The following CDH22 variants were observed in gnomAD, a reference collection of about 807,000 sequenced individuals.
CDH22 encodes the protein cadherin-22.
Under a neutral mutation model 58.4 loss-of-function variants are expected in CDH22, and 30 were observed. The ratio of observed to expected loss-of-function variants is 0.51; its 90% CI spans 0.38 to 0.70. The LOEUF (loss-of-function observed/expected upper bound fraction) is 0.70. CDH22 is among the 30% of genes least tolerant of loss of function. CDH22 has a pLI of 0.00. For synonymous variants in CDH22, 513 were observed against 558.2 expected, an observed-to-expected ratio of 0.92 and a Z score of 1.14; for missense variants, 1,014 against 1,233.9, an observed-to-expected ratio of 0.82 and a Z score of 2.67.
intron 11 of CDH22, among the ~76,000 whole-genome samples, chr20:46,177,256 C>T (rs1232880407): frequency 1.3e-5 from 2 of 152,204 alleles, no homozygotes; most frequent in Non-Finnish European, 2.9e-5. Flanking sequence ...CCTCAGTGCC[C>T]TTCTTTACTT....
intron 10 of CDH22, among the ~76,000 whole-genome samples, chr20:46,182,930 G>C (rs1022078728): frequency 6.6e-6 from 1 of 152,180 alleles, no homozygotes; most frequent in African/African-American, 2.4e-5. Flanking sequence ...GGCCTTCCAC[G>C]GCTGCTGTGA....
intron 1 of CDH22, among the ~76,000 whole-genome samples, chr20:46,267,455 C>G (rs2086466474): frequency 6.6e-6 from 1 of 152,226 alleles, no homozygotes; most frequent in Non-Finnish European, 1.5e-5. Flanking sequence ...GGGCTTTAGT[C>G]TCTCCAGTTA....
In CDH22 at chr20:46,174,048, G is replaced by C. The variant is rs1417665964; in HGVS notation, c.*458C>G. 1 of 168,388 alleles carries C rather than the reference G, an allele frequency of 5.9e-6. No individual in the cohort carries two copies. Among genetic ancestry groups the C allele is most frequent in the Non-Finnish European group, 1.3e-5 (1 of 79,566 alleles). 10.4% of individuals were successfully genotyped at this position (168,388 alleles called of 1,614,324 possible). ...CCACCTCATGGTTTCTCTGACGACT[G>C]AGCTGGTCTCTGTACAGCGTCCCAG... On this transcript the variant is annotated 3_prime_UTR_variant, in exon 12 of 12. Transcript: ENST00000537909. This position sits in a 1 kb window ranked among gnomAD's most constrained non-coding sequence, Gnocchi z 4.4.
At chr20:46,307,697 G>A (rs943847338) in intron 1 of CDH22, among the ~76,000 whole-genome samples, 1 of 151,992 alleles carries the variant, frequency 6.6e-6, no homozygotes, top group Non-Finnish European at 1.5e-5. Flanking sequence ...TCAGCCTCCG[G>A]GTGTCCCCGG....
At position 46,174,120 on chromosome 20, in the gene CDH22, T is replaced by G. The variant is rs530686454; in HGVS notation, c.*386A>C. The G allele has an allele frequency of 2.7e-5, 7 of 263,946 alleles. No individual in the cohort carries two copies. The East Asian group carries it at 6.6e-4, about 25-fold the overall frequency. The allele number at this position is 263,946 out of a possible 1,614,324, so 16.4% of individuals were successfully genotyped here. On this transcript the variant is annotated 3_prime_UTR_variant, in exon 12 of 12. Coordinates refer to ENST00000537909, the MANE Select transcript of CDH22 (RefSeq NM_021248.3). This position sits in a 1 kb window ranked among gnomAD's most constrained non-coding sequence, Gnocchi z 4.4. ...GTGAACAGCCTTCTTTCCTCTTAACTCTGATGGGGGAAACCTGGGGTGGGG... is the reference window on the plus strand; with the variant it reads ...GTGAACAGCCTTCTTTCCTCTTAACGCTGATGGGGGAAACCTGGGGTGGGG...
rs1252144226 is a variant in CDH22, at chr20:46,227,458, C to T, written c.670+50G>A. On this transcript the variant is annotated intron_variant, in intron 4 of 11. Transcript: ENST00000537909. ...CTGGGGTGGTCCTCGTCCCGCCCCGCCCCTGGCCCCGCCCCACGGCTCCGC... is the reference window on the plus strand; with the variant it reads ...CTGGGGTGGTCCTCGTCCCGCCCCGTCCCTGGCCCCGCCCCACGGCTCCGC... The T allele has an allele frequency of 2.4e-6, 3 of 1,275,964 alleles. No individual in the cohort carries two copies. The African/African-American group carries it at 4.4e-5, about 19-fold the overall frequency. 79.0% of individuals were successfully genotyped at this position (1,275,964 alleles called of 1,614,324 possible).
In CDH22 at chr20:46,216,819, C is replaced by T; in HGVS notation, c.838+7G>A. ...GACGCGCCTTCCTCTGGGAAGGCCT[C>T]ACTCACTCTGCGGGAAACGGGGCGG... is the stretch of plus-strand genomic sequence containing the variant. On this transcript the variant is annotated splice_region_variant and intron_variant, in intron 5 of 11. Coordinates refer to ENST00000537909, the MANE Select transcript of CDH22 (RefSeq NM_021248.3). This position sits in a 1 kb window ranked among gnomAD's most constrained non-coding sequence, Gnocchi z 5.3. 6.3e-7 allele frequency: 1 copy of T among 1,591,210 alleles called. No individual in the cohort carries two copies. The highest frequency in any genetic ancestry group is 8.6e-7 in the Non-Finnish European group (1 of 1,161,060).
rs533538575 is a variant in CDH22, at chr20:46,247,074, T to C, written c.255+3966A>G. On this transcript the variant is annotated intron_variant, in intron 2 of 11. Transcript: ENST00000537909. ...CCCCCCACTTAGTGGTAAGAAACTA[T>C]ACTGTTAGGTTGCCAAAAAGACTTT... Among the ~76,000 whole-genome samples, 11 of 152,180 alleles carry C rather than the reference T, an allele frequency of 7.2e-5. No homozygotes were observed. In the East Asian group the frequency reaches 1.9e-3, roughly 27 times the overall value.
At chr20:46,218,473 C>T (rs192976533) in intron 4 of CDH22, among the ~76,000 whole-genome samples, 7 of 152,338 alleles carry the variant, frequency 4.6e-5, no homozygotes, top group Non-Finnish European at 7.3e-5. Context: ...CATGTACACT[C>T]ACTATGCTGT....
rs191626645 is a variant in CDH22 at position 46,280,564 on chromosome 20, C to T, written c.-400+27691G>A. The stretch of plus-strand genomic sequence containing the variant: ...AGAAGTACCACAGTCCCATCTGAAC[C>T]GGCCCTAAAGACCTCAGCCTATGGT... On this transcript the variant is annotated intron_variant, in intron 1 of 11. Coordinates refer to ENST00000537909, the MANE Select transcript of CDH22 (RefSeq NM_021248.3). Among the ~76,000 whole-genome samples, 54 of 152,310 alleles carry T rather than the reference C, an allele frequency of 3.5e-4. 1 individual carries two copies. Among genetic ancestry groups the T allele is most frequent in the Non-Finnish European group, 2.4e-4 (16 of 68,032 alleles).
At chr20:46,231,995 C>T (rs1039385123) in intron 3 of CDH22, among the ~76,000 whole-genome samples, 7 of 152,126 alleles carry the variant, frequency 4.6e-5, no homozygotes, top group Admixed American at 3.3e-4. Flanking sequence ...CCCTTCTCTC[C>T]GTATCATCAG....
At chr20:46,265,372 A>G (rs1256264132) in intron 1 of CDH22, among the ~76,000 whole-genome samples, 1 of 152,136 alleles carries the variant, frequency 6.6e-6, no homozygotes, top group Non-Finnish European at 1.5e-5. Context: ...CAGCCTTGAT[A>G]ATGAAAGCTG....
At chr20:46,295,309 G>A (rs2086624344) in intron 1 of CDH22, among the ~76,000 whole-genome samples, 1 of 152,202 alleles carries the variant, frequency 6.6e-6, no homozygotes, top group East Asian at 1.9e-4. Context: ...CAGGAAGCTG[G>A]CTGGACTCTA....
chr20:46,264,126 C>A (rs927025028), intron 1 of CDH22, among the ~76,000 whole-genome samples: 3 of 152,156 alleles, frequency 2.0e-5, no homozygotes, highest in East Asian at 3.8e-4. Flanking sequence ...TTTTTGATCA[C>A]CTACTAAGAG....
intron 7 of CDH22, among the ~76,000 whole-genome samples, chr20:46,204,817 G>A (rs1322604440): frequency 6.6e-6 from 1 of 152,138 alleles, no homozygotes; most frequent in African/African-American, 2.4e-5. Flanking sequence ...AATGGGGAGG[G>A]TGCTGCTTCC....
chr20:46,194,933 T>C (rs895293644), intron 8 of CDH22, among the ~76,000 whole-genome samples: 12 of 152,194 alleles, frequency 7.9e-5, no homozygotes, highest in Admixed American at 7.9e-4. Flanking sequence ...TTTCACCATG[T>C]TGGCCAGGCT....
At chr20:46,264,002 G>T (rs1394070271) in intron 1 of CDH22, among the ~76,000 whole-genome samples, 1 of 152,094 alleles carries the variant, frequency 6.6e-6, no homozygotes, top group African/African-American at 2.4e-5. Context: ...AACAGATTTG[G>T]AATATTTAGG....
intron 1 of CDH22, among the ~76,000 whole-genome samples, chr20:46,260,113 A>G (rs2086426048): frequency 6.6e-6 from 1 of 152,230 alleles, no homozygotes. Context: ...GGTCAGTGAA[A>G]TATAAAAATA....
chr20:46,200,845 C>T (rs2085955263), intron 7 of CDH22, among the ~76,000 whole-genome samples: 1 of 152,108 alleles, frequency 6.6e-6, no homozygotes, highest in Admixed American at 6.5e-5. Flanking sequence ...GCAGTTGTGG[C>T]ATTAGGAGGC....
Sources: gnomAD v4.1 joint callset for allele counts (sites outside exome capture counted in the v4.1 genomes callset) on GRCh38, gnomAD v4.1.1 for gene constraint, Gnocchi (gnomAD v3.1) non-coding constraint, MANE v1.5 for transcripts, NCBI Gene and HGNC (gene_info 2026-07-23, HGNC 2026-07-21) for gene names.